Variants in SPOCK3 observed in about 807,000 individuals in gnomAD.
The protein encoded by SPOCK3 is SPARC (osteonectin), cwcv and kazal like domains proteoglycan 3.
SPOCK3 carries 30 observed loss-of-function variants against 56.6 expected under a neutral mutation model. The ratio of observed to expected loss-of-function variants is 0.53; its 90% CI spans 0.40 to 0.72. SPOCK3 has a LOEUF of 0.72. Ranked by LOEUF, SPOCK3 falls within the 30% of genes least tolerant of loss-of-function variation. The probability of loss-of-function intolerance (pLI) is 0.00; values close to 1 mark genes in which losing one functional copy is unlikely to be tolerated. For synonymous variants in SPOCK3, 196 were observed against 183.3 expected (o/e 1.07, Z -0.56); for missense variants, 527 against 530.0 (o/e 0.99, Z 0.06).
chr4:167,014,292 C>G lies in SPOCK3; in HGVS notation c.236-13829G>C, dbSNP rs1310621573. ...CTTGAGTGGGTTTTTTTTTTTTTGTCTATTTTAAGGTAAACATAATAATTT... is the reference window on the plus strand; with the variant it reads ...CTTGAGTGGGTTTTTTTTTTTTTGTGTATTTTAAGGTAAACATAATAATTT... On this transcript the variant is annotated intron_variant, in intron 3 of 10. Coordinates refer to ENST00000357545, the MANE Select transcript of SPOCK3 (RefSeq NM_001040159.2). 3.8e-5 allele frequency among the ~76,000 whole-genome samples: 5 copies of G among 131,566 alleles called. No individual in the cohort carries two copies. In the South Asian group the frequency reaches 9.9e-4, roughly 26 times the overall value. 86.3% of individuals were successfully genotyped at this position (131,566 alleles called of 152,430 possible).
At chr4:167,034,464 A>G (rs1028644859) in intron 3 of SPOCK3, among the ~76,000 whole-genome samples, 13 of 152,088 alleles carry the variant, frequency 8.5e-5, no homozygotes, top group African/African-American at 3.1e-4. Flanking sequence ...TAGAGATAAG[A>G]TTTAAAAGCA....
intron 4 of SPOCK3, among the ~76,000 whole-genome samples, chr4:166,932,859 G>A (rs1739946027): frequency 6.6e-6 from 1 of 152,050 alleles, no homozygotes; most frequent in Admixed American, 6.6e-5. Flanking sequence ...TTGATTTTAA[G>A]AACTATCTAA....
intron 5 of SPOCK3, among the ~76,000 whole-genome samples, chr4:166,910,946 C>G (rs1409799417): frequency 6.6e-6 from 1 of 152,176 alleles, no homozygotes; most frequent in Non-Finnish European, 1.5e-5. Context: ...ATATTACAAT[C>G]TGCATCCTTC....
At chr4:166,917,281 T>A (rs917276196) in intron 4 of SPOCK3, among the ~76,000 whole-genome samples, 1 of 152,168 alleles carries the variant, frequency 6.6e-6, no homozygotes, top group African/African-American at 2.4e-5. Context: ...GTAGAAAGTC[T>A]CAGTTCTTAA....
chr4:166,855,398 C>T (rs1234308046), intron 6 of SPOCK3, among the ~76,000 whole-genome samples: 2 of 152,002 alleles, frequency 1.3e-5, no homozygotes, highest in African/African-American at 4.8e-5. Context: ...ATTTTTTTCC[C>T]TAAAAGCAGC....
At chr4:167,066,121 ACTGT>A (rs1374460565) in intron 2 of SPOCK3, among the ~76,000 whole-genome samples, 1 of 151,822 alleles carries the variant, frequency 6.6e-6, no homozygotes, top group African/African-American at 2.4e-5. Flanking sequence ...TATTGTTTAA[ACTGT>A]CTTTTTCCTT....
intron 2 of SPOCK3, among the ~76,000 whole-genome samples, chr4:167,172,431 C>T (rs1387345942): frequency 6.6e-6 from 1 of 152,088 alleles, no homozygotes; most frequent in Non-Finnish European, 1.5e-5. Flanking sequence ...GCAAAAGCTG[C>T]CCAATCCAAT....
intron 6 of SPOCK3, among the ~76,000 whole-genome samples, chr4:166,851,296 T>A (rs1730049188): frequency 6.6e-6 from 1 of 152,086 alleles, no homozygotes; most frequent in African/African-American, 2.4e-5. Flanking sequence ...AGAAAGGATA[T>A]CCACACCAAA....
At chr4:166,832,058 T>C (rs1209597621) in intron 6 of SPOCK3, among the ~76,000 whole-genome samples, 2 of 152,154 alleles carry the variant, frequency 1.3e-5, no homozygotes, top group Non-Finnish European at 2.9e-5. Flanking sequence ...GTTGATAGTG[T>C]CTTTTGCTGT....
At chr4:166,811,648 G>A (rs530130325) in intron 6 of SPOCK3, among the ~76,000 whole-genome samples, 5 of 151,916 alleles carry the variant, frequency 3.3e-5, no homozygotes, top group African/African-American at 1.2e-4. Flanking sequence ...AGAGATTGGT[G>A]ATTGCTAAAT....
chr4:167,223,045 T>C (rs1736174321), intron 2 of SPOCK3, among the ~76,000 whole-genome samples: 1 of 117,996 alleles, frequency 8.5e-6, no homozygotes, highest in African/African-American at 3.3e-5. Context: ...ATTTTATATA[T>C]GAATATATAT....
Position 166,880,328 on chromosome 4 carries a change from G to C in SPOCK3, c.589+8802C>G, listed in dbSNP as rs75310644. ...ATTATTCCTCAGCTTCTGGTACACT[G>C]TTCTCTCCTGTTTCTCCTTAAGTCC... On this transcript the variant is annotated intron_variant, in intron 6 of 10. Transcript: ENST00000357545. Among the ~76,000 whole-genome samples, 59 of 152,188 alleles carry C rather than the reference G, an allele frequency of 3.9e-4. 1 individual carries two copies. In the East Asian group the frequency reaches 9.7e-3, roughly 25 times the overall value.
chr4:167,163,535 A>C (rs1213043990), intron 2 of SPOCK3, among the ~76,000 whole-genome samples: 1 of 151,952 alleles, frequency 6.6e-6, no homozygotes, highest in East Asian at 1.9e-4. Context: ...TATTCATCTA[A>C]CTATGTTTTT....
intron 3 of SPOCK3, among the ~76,000 whole-genome samples, chr4:167,014,308 A>G (rs1196218994): frequency 1.3e-5 from 2 of 150,420 alleles, no homozygotes; most frequent in Non-Finnish European, 3.0e-5. Context: ...TAAGGTAAAC[A>G]TAATAATTTT....
At position 166,840,771 on chromosome 4, in the gene SPOCK3, G is replaced by GTT. The variant is rs70955697; in HGVS notation, c.589+48357_589+48358dup. On this transcript the variant is annotated intron_variant, in intron 6 of 10. Coordinates refer to ENST00000357545, the MANE Select transcript of SPOCK3 (RefSeq NM_001040159.2). ...CTAATTCATCTTCCCAGAAGCAAAA[G>GTT]TTTTTTTTTTTTTTTTTTTTTTTTT... Among the ~76,000 whole-genome samples the GTT allele has an allele frequency of 1.0e-3, 71 of 68,176 alleles. 12 individuals are homozygous for GTT. Among genetic ancestry groups the GTT allele is most frequent in the African/African-American group, 2.7e-3 (49 of 17,990 alleles). 44.7% of individuals were successfully genotyped at this position (68,176 alleles called of 152,430 possible). A position where few individuals can be genotyped will look rare whatever the true frequency, so the allele number is the denominator to read the frequency against.
rs1428252288 is a variant in SPOCK3 at position 166,799,310 on chromosome 4, T to C, written c.590-7021A>G. On this transcript the variant is annotated intron_variant, in intron 6 of 10. Transcript: ENST00000357545. ...AATGCTCCTGCACAGCCTCCTTTTA[T>C]TGGTGACTTTCATCCCAATATCAAA... 2.6e-5 allele frequency among the ~76,000 whole-genome samples: 4 copies of C among 152,214 alleles called. No homozygotes were observed. The East Asian group carries it at 5.8e-4, about 22-fold the overall frequency.
chr4:167,038,402 C>T (rs1478056909), intron 3 of SPOCK3, among the ~76,000 whole-genome samples: 1 of 152,068 alleles, frequency 6.6e-6, no homozygotes, highest in African/African-American at 2.4e-5. Flanking sequence ...TGTGTTCTTG[C>T]CAAGGTGGCT....
At chr4:166,886,176 C>A (rs1734184632) in intron 6 of SPOCK3, among the ~76,000 whole-genome samples, 1 of 151,930 alleles carries the variant, frequency 6.6e-6, no homozygotes, top group African/African-American at 2.4e-5. Flanking sequence ...ATTTTCCTGG[C>A]CATAAAAATA....
intron 6 of SPOCK3, among the ~76,000 whole-genome samples, chr4:166,877,946 A>G (rs1733267269): frequency 1.3e-5 from 2 of 152,144 alleles, no homozygotes; most frequent in Admixed American, 6.6e-5. Context: ...ATCATCCTGC[A>G]TCACCTTGGA....
Sources: allele counts gnomAD v4.1 joint callset (sites outside exome capture counted in the v4.1 genomes callset), GRCh38; gene constraint gnomAD v4.1.1; transcripts MANE v1.5; gene names NCBI Gene and HGNC (gene_info 2026-07-23, HGNC 2026-07-21).